Variants in QTMAN observed in about 807,000 individuals in gnomAD.
The protein encoded by QTMAN is queuosine-tRNA mannosyltransferase, also known as tRNA-queuosine alpha-mannosyltransferase.
chr2:143,943,598 C>T, the QTMAN span: 1 of 152,144 alleles, frequency 6.6e-6, no homozygotes, highest in Non-Finnish European at 1.5e-5. Flanking sequence ...TTAAAAATAT[C>T]AAATATAATT....
At chr2:144,232,158 G>T in the QTMAN span, among the ~76,000 whole-genome samples, 1 of 152,058 alleles carries the variant, frequency 6.6e-6, no homozygotes, top group African/African-American at 2.4e-5. Flanking sequence ...GGGAACTGTA[G>T]CATTTATTAC....
At chr2:144,101,209 C>T in the QTMAN span, among the ~76,000 whole-genome samples, 1 of 152,034 alleles carries the variant, frequency 6.6e-6, no homozygotes, top group Non-Finnish European at 1.5e-5. Context: ...AGAATATTTG[C>T]AACAGGGGAG....
At chr2:144,011,487 A>C in the QTMAN span, among the ~76,000 whole-genome samples, 1 of 152,064 alleles carries the variant, frequency 6.6e-6, no homozygotes, top group African/African-American at 2.4e-5. Flanking sequence ...CAATTACTTC[A>C]CATCAATACC....
the QTMAN span, among the ~76,000 whole-genome samples, chr2:144,103,452 G>T: frequency 6.6e-6 from 1 of 152,234 alleles, no homozygotes; most frequent in South Asian, 2.1e-4. Flanking sequence ...AACATCTGAG[G>T]TGCAGCAAGA....
the QTMAN span, among the ~76,000 whole-genome samples, chr2:144,084,261 T>G: frequency 6.6e-6 from 1 of 152,230 alleles, no homozygotes; most frequent in Non-Finnish European, 1.5e-5. Context: ...GCTAGCTCTC[T>G]TAAGCTATCT....
chr2:144,178,086 C>T, the QTMAN span, among the ~76,000 whole-genome samples: 1 of 152,048 alleles, frequency 6.6e-6, no homozygotes, highest in South Asian at 2.1e-4. Flanking sequence ...ATCCAGTGCT[C>T]GTACAGTTCC....
chr2:144,266,630 C>T, the QTMAN span, among the ~76,000 whole-genome samples: 1 of 152,186 alleles, frequency 6.6e-6, no homozygotes, highest in Non-Finnish European at 1.5e-5. Flanking sequence ...GAAGTTGAAA[C>T]ATCTCTTAAG....
the QTMAN span, among the ~76,000 whole-genome samples, chr2:144,104,344 A>T: frequency 6.6e-6 from 1 of 152,186 alleles, no homozygotes; most frequent in Admixed American, 6.5e-5. Flanking sequence ...GGGTCAGGGA[A>T]TTCCCTTTCC....
the QTMAN span, among the ~76,000 whole-genome samples, chr2:144,212,589 C>G: frequency 6.6e-6 from 1 of 152,116 alleles, no homozygotes; most frequent in Non-Finnish European, 1.5e-5. Flanking sequence ...AAACCCATGT[C>G]CTTTCTGCAT....
At chr2:144,074,835 C>CA in the QTMAN span, among the ~76,000 whole-genome samples, 461 of 152,274 alleles carry the variant, frequency 3.0e-3, 2 homozygotes, top group African/African-American at 0.01. Flanking sequence ...CAGATGAGCA[C>CA]AGAACCAGCC....
At chr2:143,957,929 T>A in the QTMAN span, among the ~76,000 whole-genome samples, 11 of 151,710 alleles carry the variant, frequency 7.3e-5, no homozygotes, top group Middle Eastern at 3.4e-3. Flanking sequence ...CCACGGGAGG[T>A]CTTCTGAAAG....
chr2:143,963,765 C>T, the QTMAN span: 1 of 152,030 alleles, frequency 6.6e-6, no homozygotes, highest in Non-Finnish European at 1.5e-5. Flanking sequence ...GCTTATATGC[C>T]TACCTTTAAT....
the QTMAN span, among the ~76,000 whole-genome samples, chr2:144,217,667 T>C: frequency 1.3e-5 from 2 of 152,116 alleles, no homozygotes; most frequent in African/African-American, 2.4e-5. Flanking sequence ...TCTGAAGATA[T>C]AACCCTTATT....
the QTMAN span, among the ~76,000 whole-genome samples, chr2:144,324,853 T>TA: frequency 0.025 from 3,309 of 133,198 alleles, 36 homozygotes; most frequent in Non-Finnish European, 0.032. Context: ...TGCTTCCATT[T>TA]AAAAAAAAAA....
chr2:144,019,073 G>C, the QTMAN span, among the ~76,000 whole-genome samples: 2 of 152,186 alleles, frequency 1.3e-5, no homozygotes, highest in Non-Finnish European at 2.9e-5. Flanking sequence ...ATGGGAAGGT[G>C]TGGGGAGGGG....
At chr2:144,018,118 C>T in the QTMAN span, among the ~76,000 whole-genome samples, 2 of 152,238 alleles carry the variant, frequency 1.3e-5, no homozygotes, top group African/African-American at 4.8e-5. Flanking sequence ...TATATTCCTT[C>T]ATTTTTCTGA....
At chr2:144,309,386 C>T in the QTMAN span, among the ~76,000 whole-genome samples, 1 of 152,150 alleles carries the variant, frequency 6.6e-6, no homozygotes. Flanking sequence ...TGAACAGATA[C>T]ATGGATAAGC....
At chr2:143,941,202 C>T in the QTMAN span, 1 of 152,144 alleles carries the variant, frequency 6.6e-6, no homozygotes, top group African/African-American at 2.4e-5. Flanking sequence ...TTTCCTACAT[C>T]TCAAATACAG....
At chr2:143,977,978 A>G in the QTMAN span, among the ~76,000 whole-genome samples, 1 of 152,190 alleles carries the variant, frequency 6.6e-6, no homozygotes, top group African/African-American at 2.4e-5. Context: ...TGTATTTGGC[A>G]TCTTCAAAAT....
Sources: allele counts gnomAD v4.1 joint callset (sites outside exome capture counted in the v4.1 genomes callset), GRCh38; gene constraint gnomAD v4.1.1; transcripts MANE v1.5; gene names NCBI Gene and HGNC (gene_info 2026-07-23, HGNC 2026-07-21).